Variants in SYT16 observed in about 807,000 individuals in gnomAD.
The protein encoded by SYT16 is synaptotagmin 16.
In SYT16, 42 loss-of-function variants were observed where a neutral mutation model predicts 61.4. The observed-to-expected ratio is 0.68, with a 90% confidence interval of 0.53 to 0.89. The LOEUF is 0.89. Among genes scored for constraint, SYT16 ranks in the 40% least tolerant of loss-of-function variants. The probability of loss-of-function intolerance (pLI) is 0.00; values close to 1 mark genes in which losing one functional copy is unlikely to be tolerated. For synonymous variants in SYT16, 314 were observed against 302.3 expected, an observed-to-expected ratio of 1.04 and a Z score of -0.40; for missense variants, 804 against 807.3, an observed-to-expected ratio of 1.00 and a Z score of 0.05.
At chr14:61,855,032 T>G (rs1461352097) in intron 1 of SYT16, among the ~76,000 whole-genome samples, 1 of 152,194 alleles carries the variant, frequency 6.6e-6, no homozygotes. Context: ...GAAGCAAGGT[T>G]ATATGAGTAC....
intron 1 of SYT16, among the ~76,000 whole-genome samples, chr14:61,826,047 A>G (rs1261286119): frequency 6.6e-6 from 1 of 152,204 alleles, no homozygotes; most frequent in Non-Finnish European, 1.5e-5. Flanking sequence ...CATATACTTT[A>G]TGAATTTTTA....
intron 3 of SYT16, among the ~76,000 whole-genome samples, chr14:61,999,938 A>C (rs1358567946): frequency 2.0e-5 from 3 of 151,598 alleles, no homozygotes; most frequent in Admixed American, 6.6e-5. Context: ...TTAGTTTTTA[A>C]AAATTAATTA....
intron 3 of SYT16, among the ~76,000 whole-genome samples, chr14:62,034,621 C>CT (rs1007995349): frequency 4.7e-5 from 7 of 149,528 alleles, no homozygotes; most frequent in African/African-American, 1.5e-4. Context: ...TTATATGACT[C>CT]TTTTTTATAT....
chr14:61,908,306 A>C (rs941972725), intron 1 of SYT16, among the ~76,000 whole-genome samples: 12 of 152,232 alleles, frequency 7.9e-5, no homozygotes, highest in African/African-American at 2.7e-4. Context: ...GTGATTCACG[A>C]ATTTGTCTGA....
intron 2 of SYT16, 37 bp from the exon 3 acceptor site, chr14:61,995,839 C>CT (rs764986173): frequency 1.2e-5 from 7 of 596,826 alleles, no homozygotes; most frequent in Admixed American, 3.5e-5. Context: ...GAGGTTGTAA[C>CT]TTTAACAGGT....
At chr14:61,981,724 A>G (rs926273913) in intron 2 of SYT16, among the ~76,000 whole-genome samples, 1 of 152,082 alleles carries the variant, frequency 6.6e-6, no homozygotes, top group Admixed American at 6.6e-5. Context: ...ATTGCTGGAG[A>G]TGGAGGCATT....
chr14:61,930,228 G>A (rs1040888319), intron 1 of SYT16, among the ~76,000 whole-genome samples: 6 of 151,952 alleles, frequency 3.9e-5, no homozygotes, highest in African/African-American at 7.3e-5. Flanking sequence ...GTTTTATGCC[G>A]CTGTCTCCTA....
At chr14:61,879,269 C>T (rs1035182586) in intron 1 of SYT16, among the ~76,000 whole-genome samples, 1 of 152,112 alleles carries the variant, frequency 6.6e-6, no homozygotes, top group South Asian at 2.1e-4. Context: ...AAAAGTGTGC[C>T]TTTTCTTGTC....
At chr14:62,039,885 A>T (rs937627938) in intron 3 of SYT16, among the ~76,000 whole-genome samples, 2 of 143,862 alleles carry the variant, frequency 1.4e-5, no homozygotes, top group Non-Finnish European at 3.1e-5. Context: ...ACACGCACAT[A>T]CACACTAGAT....
intron 1 of SYT16, among the ~76,000 whole-genome samples, chr14:61,852,192 T>C (rs1356998471): frequency 7.2e-6 from 1 of 139,726 alleles, no homozygotes; most frequent in African/African-American, 3.1e-5. Context: ...CCCCATTGCT[T>C]TTTTTTTGTC....
At chr14:61,845,122 A>G (rs576678669) in intron 1 of SYT16, among the ~76,000 whole-genome samples, 1 of 139,242 alleles carries the variant, frequency 7.2e-6, no homozygotes, top group South Asian at 2.2e-4. Flanking sequence ...ATCTCAGCTC[A>G]CTGCAACCTC....
At chr14:61,982,866 C>G (rs549112442) in intron 2 of SYT16, among the ~76,000 whole-genome samples, 1 of 152,214 alleles carries the variant, frequency 6.6e-6, no homozygotes, top group East Asian at 1.9e-4. Flanking sequence ...CTCTGGATGT[C>G]GTCTTCCAGA....
chr14:61,938,420 C>T (rs2050075567), intron 1 of SYT16, among the ~76,000 whole-genome samples: 1 of 151,874 alleles, frequency 6.6e-6, no homozygotes, highest in Non-Finnish European at 1.5e-5. Context: ...AGTTCACCTT[C>T]AGGGTTGGCT....
intron 3 of SYT16, among the ~76,000 whole-genome samples, chr14:62,023,880 C>G (rs2054003773): frequency 6.6e-6 from 1 of 151,980 alleles, no homozygotes; most frequent in Non-Finnish European, 1.5e-5. Flanking sequence ...GTAGTGTATT[C>G]TTTTTCAAAC....
At chr14:61,864,738 T>C (rs1594783416) in intron 1 of SYT16, 2 of 997,046 alleles carry the variant, frequency 2.0e-6, no homozygotes, top group Non-Finnish European at 3.0e-6. Flanking sequence ...ACGTGTCCAC[T>C]CGCTACCTGG....
chr14:62,092,035 C>G (rs1478414719), intron 7 of SYT16, among the ~76,000 whole-genome samples: 1 of 152,070 alleles, frequency 6.6e-6, no homozygotes, highest in Non-Finnish European at 1.5e-5. Flanking sequence ...GGATTAAAGA[C>G]TTGAGTAGAC....
At chr14:61,885,157 C>T (rs1312003170) in intron 1 of SYT16, among the ~76,000 whole-genome samples, 1 of 152,124 alleles carries the variant, frequency 6.6e-6, no homozygotes, top group Non-Finnish European at 1.5e-5. Flanking sequence ...TTCAAATGGA[C>T]ACAAGGAGGT....
intron 1 of SYT16, among the ~76,000 whole-genome samples, chr14:61,880,705 T>G (rs1016518122): frequency 2.0e-5 from 3 of 152,222 alleles, no homozygotes; most frequent in Non-Finnish European, 4.4e-5. Flanking sequence ...CTAGATATTT[T>G]ATGGTTTTTG....
At chr14:62,092,265 C>T (rs1193785829) in intron 7 of SYT16, among the ~76,000 whole-genome samples, 6 of 151,042 alleles carry the variant, frequency 4.0e-5, no homozygotes, top group African/African-American at 1.2e-4. Flanking sequence ...AATTGGAGCC[C>T]TTGTCCATTA....
Sources: gnomAD v4.1 joint callset for allele counts (sites outside exome capture counted in the v4.1 genomes callset) on GRCh38, gnomAD v4.1.1 for gene constraint, MANE v1.5 for transcripts, NCBI Gene and HGNC (gene_info 2026-07-23, HGNC 2026-07-21) for gene names.